The following DAB1 variants were observed in gnomAD, a reference collection of about 807,000 sequenced individuals.
DAB1 encodes DAB adaptor protein 1.
A neutral mutation model predicts 64.6 loss-of-function variants in DAB1; 15 were observed. That is an observed-to-expected ratio of 0.23 (90% CI 0.16 to 0.36). The LOEUF (loss-of-function observed/expected upper bound fraction) is 0.36. Among genes scored for constraint, DAB1 ranks in the 10% least tolerant of loss-of-function variants. The probability of loss-of-function intolerance (pLI) is 1.00; values close to 1 mark genes in which losing one functional copy is unlikely to be tolerated. For synonymous variants in DAB1, 235 were observed against 251.9 expected, an observed-to-expected ratio of 0.93 and a Z score of 0.64; for missense variants, 596 against 706.7, an observed-to-expected ratio of 0.84 and a Z score of 1.78.
rs1336996276 is a variant in DAB1, at chr1:57,423,963, G to T, written c.-170C>A. ...GCCCAGAGCATCCTCCTCCGCTGCC[G>T]CAGCCGCCCAGGAAGCGGCTCCCCA... On this transcript the variant is annotated 5_prime_UTR_variant, in exon 1 of 15. An upstream open reading frame in the 5' UTR gains an earlier in-frame stop. Transcript: ENST00000371236. The T allele has an allele frequency of 6.6e-6, 1 of 151,974 alleles. No homozygotes were observed. The highest frequency in any genetic ancestry group is 1.5e-5 in the Non-Finnish European group (1 of 68,044). 9.4% of individuals were successfully genotyped at this position (151,974 alleles called of 1,614,324 possible). A position where few individuals can be genotyped will look rare whatever the true frequency, so the allele number is the denominator to read the frequency against.
rs1653363242 is a variant in DAB1 at position 57,088,950 on chromosome 1, G to C, written c.307-16536C>G. Among the ~76,000 whole-genome samples the C allele has an allele frequency of 3.3e-5, 5 of 152,196 alleles. No individual in the cohort carries two copies. The South Asian group carries it at 1.0e-3, about 32-fold the overall frequency. On this transcript the variant is annotated intron_variant, in intron 4 of 14. Coordinates refer to ENST00000371236, the MANE Select transcript of DAB1 (RefSeq NM_001365792.1). ...GTGAGGCAGTCTGGCTAGAGGACCG[G>C]AACGGTGAAGCACAATGGTTAAGGG... is the stretch of plus-strand genomic sequence containing the variant.
At chr1:57,691,006 T>C (rs1212593612) in intron 6 of DAB1, among the ~76,000 whole-genome samples, 1 of 152,208 alleles carries the variant, frequency 6.6e-6, no homozygotes, top group East Asian at 1.9e-4. Context: ...ATTTTTTTCC[T>C]ATACAGTTGT....
chr1:57,908,776 C>T (rs1644596632), intron 5 of DAB1, among the ~76,000 whole-genome samples: 1 of 152,160 alleles, frequency 6.6e-6, no homozygotes, highest in Admixed American at 6.5e-5. Context: ...TCAGCTGAGG[C>T]CCTGGGCTTC....
At chr1:57,994,451 G>C (rs115478840) in intron 5 of DAB1, among the ~76,000 whole-genome samples, 1 of 152,150 alleles carries the variant, frequency 6.6e-6, no homozygotes, top group Non-Finnish European at 1.5e-5. Flanking sequence ...AGCTGAAGCC[G>C]TTGTGTTTGT....
chr1:57,817,809 C>T (rs555400754), intron 6 of DAB1, among the ~76,000 whole-genome samples: 2 of 152,310 alleles, frequency 1.3e-5, no homozygotes, highest in South Asian at 2.1e-4. Context: ...TGTCACTCTT[C>T]ACCCAAGGAC....
intron 1 of DAB1, among the ~76,000 whole-genome samples, chr1:57,356,122 C>T (rs1679082376): frequency 6.6e-6 from 1 of 152,072 alleles, no homozygotes. Flanking sequence ...ATTCCTTGCA[C>T]CTAGAGCAGT....
chr1:57,311,164 A>G (rs925782930), intron 1 of DAB1, among the ~76,000 whole-genome samples: 10 of 152,142 alleles, frequency 6.6e-5, no homozygotes, highest in African/African-American at 2.4e-4. Flanking sequence ...ACCCAGCGTG[A>G]GAAGGGCAAC....
chr1:57,077,511 T>G (rs1338684719), intron 4 of DAB1, among the ~76,000 whole-genome samples: 1 of 152,246 alleles, frequency 6.6e-6, no homozygotes, highest in Non-Finnish European at 1.5e-5. Context: ...CAATACATGT[T>G]CAATGAATAA....
intron 5 of DAB1, among the ~76,000 whole-genome samples, chr1:58,121,897 G>A (rs1392015791): frequency 2.0e-5 from 3 of 152,176 alleles, no homozygotes; most frequent in South Asian, 2.1e-4. Flanking sequence ...AGCGAAAAGA[G>A]TTAAGTTGAA....
At chr1:58,235,874 AAG>A (rs963832547) in intron 4 of DAB1, among the ~76,000 whole-genome samples, 1 of 152,208 alleles carries the variant, frequency 6.6e-6, no homozygotes, top group African/African-American at 2.4e-5. Context: ...TGACATCCCA[AAG>A]AGAGAGAGGT....
intron 4 of DAB1, among the ~76,000 whole-genome samples, chr1:58,305,618 A>G (rs576878063): frequency 1.1e-5 from 1 of 90,350 alleles, no homozygotes; most frequent in African/African-American, 2.9e-5. Flanking sequence ...GCAAAGAAAT[A>G]AAGTTATCAG....
chr1:57,479,925 G>A (rs928675159), intron 7 of DAB1, among the ~76,000 whole-genome samples: 1 of 151,894 alleles, frequency 6.6e-6, no homozygotes, highest in Non-Finnish European at 1.5e-5. Flanking sequence ...AGGCCGAGAC[G>A]GGCGGATCAC....
At chr1:57,503,164 C>T (rs1031615298) in intron 7 of DAB1, among the ~76,000 whole-genome samples, 7 of 152,180 alleles carry the variant, frequency 4.6e-5, no homozygotes, top group Non-Finnish European at 1.0e-4. Flanking sequence ...TCTATCTTTC[C>T]TGCTTTATTG....
At chr1:57,161,047 G>C (rs745356639) in intron 2 of DAB1, among the ~76,000 whole-genome samples, 4 of 152,148 alleles carry the variant, frequency 2.6e-5, no homozygotes, top group Non-Finnish European at 5.9e-5. Context: ...TTCTGATTCA[G>C]AGGACATTCC....
intron 2 of DAB1, among the ~76,000 whole-genome samples, chr1:57,161,040 T>G (rs778674353): frequency 1.3e-5 from 2 of 152,172 alleles, no homozygotes; most frequent in Non-Finnish European, 2.9e-5. Flanking sequence ...CCAGCGGTTC[T>G]GATTCAGAGG....
At chr1:57,200,961 T>G (rs1319939681) in intron 2 of DAB1, among the ~76,000 whole-genome samples, 1 of 152,230 alleles carries the variant, frequency 6.6e-6, no homozygotes, top group Non-Finnish European at 1.5e-5. Flanking sequence ...CTACTAGGCA[T>G]GCAAATGTTT....
intron 6 of DAB1, among the ~76,000 whole-genome samples, chr1:57,713,890 AG>A (rs148671312): frequency 0.028 from 4,198 of 152,270 alleles, 193 homozygotes; most frequent in African/African-American, 0.096. Flanking sequence ...CATAACTGAC[AG>A]GGGAAATGTT....
chr1:57,457,135 C>T (rs1023806371), intron 7 of DAB1, among the ~76,000 whole-genome samples: 2 of 151,992 alleles, frequency 1.3e-5, no homozygotes, highest in African/African-American at 4.8e-5. Context: ...GAGCACTGCT[C>T]CTCATCTACA....
At chr1:57,695,217 C>G (rs7553058) in intron 6 of DAB1, among the ~76,000 whole-genome samples, 17 of 147,180 alleles carry the variant, frequency 1.2e-4, no homozygotes, top group African/African-American at 4.3e-4. Flanking sequence ...GAGCAAGACC[C>G]TGTTTCTCTA....
Sources: allele counts gnomAD v4.1 joint callset (sites outside exome capture counted in the v4.1 genomes callset), GRCh38; gene constraint gnomAD v4.1.1; transcripts MANE v1.5; gene names NCBI Gene and HGNC (gene_info 2026-07-23, HGNC 2026-07-21).